The following LRMDA variants were observed in gnomAD, a reference collection of about 807,000 sequenced individuals.
The protein encoded by LRMDA is leucine-rich melanocyte differentiation-associated protein.
Under a neutral mutation model 29.8 loss-of-function variants are expected in LRMDA, and 18 were observed. That is an observed-to-expected ratio of 0.60 (90% CI 0.42 to 0.90). The LOEUF is 0.90. Among genes scored for constraint, LRMDA ranks in the 40% least tolerant of loss-of-function variants. LRMDA has a pLI of 0.00. For synonymous variants in LRMDA, 125 were observed against 109.4 expected (o/e 1.14, Z -0.89); for missense variants, 273 against 273.9 (o/e 1.00, Z 0.02).
intron 5 of LRMDA, among the ~76,000 whole-genome samples, chr10:76,257,614 G>A (rs1210280923): frequency 6.6e-6 from 1 of 152,170 alleles, no homozygotes; most frequent in Non-Finnish European, 1.5e-5. Flanking sequence ...GATTACAGGT[G>A]TGAGCCACGG....
chr10:75,884,912 G>T (rs1374964967), intron 2 of LRMDA, among the ~76,000 whole-genome samples: 1 of 152,104 alleles, frequency 6.6e-6, no homozygotes, highest in East Asian at 1.9e-4. Flanking sequence ...GAGGTCCGGG[G>T]AGGATAGCAG....
At chr10:76,226,037 C>G (rs1168695049) in intron 5 of LRMDA, among the ~76,000 whole-genome samples, 1 of 151,960 alleles carries the variant, frequency 6.6e-6, no homozygotes, top group Admixed American at 6.6e-5. Context: ...TCATCCATGT[C>G]CCTACAAAGG....
intron 5 of LRMDA, among the ~76,000 whole-genome samples, chr10:76,190,073 A>G (rs1007331566): frequency 1.3e-5 from 2 of 152,126 alleles, no homozygotes; most frequent in African/African-American, 4.8e-5. Context: ...TCTTGGGGAG[A>G]CTGTCACAAG....
intron 2 of LRMDA, among the ~76,000 whole-genome samples, chr10:75,755,042 G>GTT (rs76622708): frequency 3.4e-5 from 5 of 145,086 alleles, no homozygotes; most frequent in African/African-American, 1.0e-4. Context: ...AAGTTTTTTG[G>GTT]TTTTTTTTTT....
At chr10:75,941,255 G>A (rs1589260851) in intron 2 of LRMDA, among the ~76,000 whole-genome samples, 1 of 152,194 alleles carries the variant, frequency 6.6e-6, no homozygotes, top group Non-Finnish European at 1.5e-5. Flanking sequence ...GGAAAGGCGA[G>A]TAAGCAAGTC....
At chr10:75,897,718 A>G (rs1459022868) in intron 2 of LRMDA, among the ~76,000 whole-genome samples, 2 of 151,850 alleles carry the variant, frequency 1.3e-5, no homozygotes, top group African/African-American at 4.8e-5. Context: ...AAAATGATCT[A>G]TCCTCAAATA....
At chr10:75,831,890 C>T (rs1405059735) in intron 2 of LRMDA, among the ~76,000 whole-genome samples, 18 of 152,212 alleles carry the variant, frequency 1.2e-4, no homozygotes, top group Admixed American at 1.2e-3. Context: ...CACTTTTAGT[C>T]ATGACTGAAG....
At chr10:75,761,113 A>T (rs190837718) in intron 2 of LRMDA, among the ~76,000 whole-genome samples, 70 of 152,350 alleles carry the variant, frequency 4.6e-4, no homozygotes, top group African/African-American at 1.6e-3. Flanking sequence ...AATAGTTTTT[A>T]AAAGTTGAAG....
intron 2 of LRMDA, among the ~76,000 whole-genome samples, chr10:75,848,317 A>G (rs1375522212): frequency 1.3e-5 from 2 of 152,244 alleles, no homozygotes; most frequent in Non-Finnish European, 2.9e-5. Flanking sequence ...CAAATACTGT[A>G]TGATTCCACT....
chr10:75,847,303 A>G (rs1589227062), intron 2 of LRMDA, among the ~76,000 whole-genome samples: 3 of 152,346 alleles, frequency 2.0e-5, no homozygotes, highest in South Asian at 4.1e-4. Flanking sequence ...GGATAACCAT[A>G]TGCAAAAGAA....
chr10:75,672,529 C>CTTT lies in LRMDA; in HGVS notation c.131+234035_131+234036insTTT, dbSNP rs1564536271. ...CTTGTATTTTTCTTTTCTTTTCCTC[C>CTTT]CCTCCCCTCCCCTCCCCTCCCCTCC... On this transcript the variant is annotated intron_variant, in intron 2 of 6. Transcript: ENST00000611255. Among the ~76,000 whole-genome samples the CTTT allele has an allele frequency of 3.2e-4, 9 of 28,054 alleles. 2 individuals carry two copies. The highest frequency in any genetic ancestry group is 4.0e-4 in the Non-Finnish European group (7 of 17,524). The allele number at this position is 28,054 out of a possible 152,430, so 18.4% of individuals were successfully genotyped here. A position where few individuals can be genotyped will look rare whatever the true frequency, so the allele number is the denominator to read the frequency against.
At chr10:76,335,886 T>A (rs898462383) in intron 6 of LRMDA, among the ~76,000 whole-genome samples, 3 of 152,152 alleles carry the variant, frequency 2.0e-5, no homozygotes, top group South Asian at 4.1e-4. Context: ...GCTGGTTGGC[T>A]TTTCCTGAAT....
chr10:75,434,296 T>C (rs1564770242), intron 1 of LRMDA, among the ~76,000 whole-genome samples: 2 of 152,216 alleles, frequency 1.3e-5, no homozygotes, highest in African/African-American at 2.4e-5. Context: ...GCACTTTTAA[T>C]ATGTTAGCTC....
At chr10:75,521,189 G>A (rs1291774127) in intron 2 of LRMDA, among the ~76,000 whole-genome samples, 1 of 152,220 alleles carries the variant, frequency 6.6e-6, no homozygotes, top group Non-Finnish European at 1.5e-5. Flanking sequence ...GAGGCATTCT[G>A]TCCATTCTCA....
intron 2 of LRMDA, among the ~76,000 whole-genome samples, chr10:75,817,260 CAGTT>C (rs1844077028): frequency 6.6e-6 from 1 of 152,208 alleles, no homozygotes. Context: ...CCATGCCTAA[CAGTT>C]AGAAGGAGCC....
At chr10:76,357,867 A>G (rs1237370229) in intron 6 of LRMDA, among the ~76,000 whole-genome samples, 1 of 152,144 alleles carries the variant, frequency 6.6e-6, no homozygotes, top group Non-Finnish European at 1.5e-5. Flanking sequence ...ATTATTATGC[A>G]GTTCCTTATG....
At chr10:76,163,853 T>C (rs1010661094) in intron 5 of LRMDA, among the ~76,000 whole-genome samples, 18 of 152,210 alleles carry the variant, frequency 1.2e-4, no homozygotes, top group African/African-American at 4.1e-4. Context: ...ATGAATCCAT[T>C]GTCTCTGTTT....
chr10:75,494,411 A>G (rs1845022211), intron 2 of LRMDA, among the ~76,000 whole-genome samples: 1 of 150,326 alleles, frequency 6.7e-6, no homozygotes, highest in African/African-American at 2.4e-5. Flanking sequence ...GATGTTATTT[A>G]TGTATTCACC....
intron 2 of LRMDA, among the ~76,000 whole-genome samples, chr10:75,446,083 A>G (rs1844391586): frequency 6.6e-6 from 1 of 152,218 alleles, no homozygotes; most frequent in Admixed American, 6.5e-5. Flanking sequence ...ATACTGTCAG[A>G]GCTGCTTTGA....
Sources: gnomAD v4.1 joint callset for allele counts (sites outside exome capture counted in the v4.1 genomes callset) on GRCh38, gnomAD v4.1.1 for gene constraint, MANE v1.5 for transcripts, NCBI Gene and HGNC (gene_info 2026-07-23, HGNC 2026-07-21) for gene names.